The following GRIN2B variants were observed in gnomAD, a reference collection of about 807,000 sequenced individuals.
GRIN2B encodes the protein glutamate ionotropic receptor NMDA type subunit 2B.
In GRIN2B, 5 loss-of-function variants were observed where a neutral mutation model predicts 114.5. The observed-to-expected ratio is 0.04, with a 90% CI of 0.02 to 0.09. The LOEUF (loss-of-function observed/expected upper bound fraction) is 0.09, where lower values mean the gene tolerates loss of function less well. Among genes scored for constraint, GRIN2B ranks in the 10% least tolerant of loss-of-function variants. The probability of loss-of-function intolerance (pLI) is 1.00; values close to 1 mark genes in which losing one functional copy is unlikely to be tolerated. For synonymous variants in GRIN2B, 787 were observed against 745.1 expected (o/e 1.06, Z -0.92); for missense variants, 1,108 against 1,943.5 (o/e 0.57, Z 8.08).
intron 4 of GRIN2B, among the ~76,000 whole-genome samples, chr12:13,737,177 T>C (rs559031315): frequency 5.3e-5 from 8 of 152,248 alleles, no homozygotes; most frequent in Admixed American, 3.3e-4. Flanking sequence ...ATTACACTTA[T>C]GGGGAAGAGA....
At chr12:13,694,857 G>A (rs954804843) in intron 4 of GRIN2B, among the ~76,000 whole-genome samples, 14 of 151,480 alleles carry the variant, frequency 9.2e-5, no homozygotes, top group Non-Finnish European at 2.1e-4. Context: ...TTCCAGGACT[G>A]GGGAAAGTGA....
chr12:13,930,945 G>A (rs1269505006), intron 2 of GRIN2B, among the ~76,000 whole-genome samples: 1 of 152,122 alleles, frequency 6.6e-6, no homozygotes, highest in Non-Finnish European at 1.5e-5. Context: ...AGTTCAATGT[G>A]ATTGTCAAAA....
At chr12:13,769,144 C>G (rs1374875721) in intron 3 of GRIN2B, among the ~76,000 whole-genome samples, 2 of 152,160 alleles carry the variant, frequency 1.3e-5, no homozygotes, top group Non-Finnish European at 2.9e-5. Flanking sequence ...TTCCCATTTT[C>G]ATGAGGCAAA....
chr12:13,688,571 C>G (rs1349368150), intron 4 of GRIN2B, among the ~76,000 whole-genome samples: 1 of 152,170 alleles, frequency 6.6e-6, no homozygotes, highest in East Asian at 1.9e-4. Flanking sequence ...AAAAACCACA[C>G]AGCAGTAAGC....
chr12:13,838,669 A>G (rs1426212395), intron 3 of GRIN2B, among the ~76,000 whole-genome samples: 1 of 152,112 alleles, frequency 6.6e-6, no homozygotes, highest in Non-Finnish European at 1.5e-5. Flanking sequence ...CACTCATTCC[A>G]TCAGCAGTCA....
intron 3 of GRIN2B, among the ~76,000 whole-genome samples, chr12:13,774,794 A>C (rs1863973132): frequency 6.6e-6 from 1 of 152,216 alleles, no homozygotes; most frequent in African/African-American, 2.4e-5. Flanking sequence ...GATTACCAAA[A>C]GTAATGGGAA....
At chr12:13,611,594 A>C in intron 9 of GRIN2B, 131 bp downstream of exon 9, 1 of 921,020 alleles carries the variant, frequency 1.1e-6, no homozygotes, top group Non-Finnish European at 1.8e-6. Flanking sequence ...GTGACTTAGA[A>C]ATGTTCACCT....
chr12:13,902,829 T>A (rs1374866788), intron 2 of GRIN2B, among the ~76,000 whole-genome samples: 1 of 152,070 alleles, frequency 6.6e-6, no homozygotes, highest in Non-Finnish European at 1.5e-5. Flanking sequence ...ATAAAAATAA[T>A]AATTTTTCTT....
intron 4 of GRIN2B, among the ~76,000 whole-genome samples, chr12:13,677,315 G>T (rs1376077523): frequency 1.3e-5 from 2 of 152,160 alleles, no homozygotes; most frequent in African/African-American, 2.4e-5. Flanking sequence ...AAACTGGGAG[G>T]TCTTCTTTGA....
chr12:13,862,242 G>A (rs1221774892), intron 3 of GRIN2B, among the ~76,000 whole-genome samples: 1 of 152,130 alleles, frequency 6.6e-6, no homozygotes, highest in Non-Finnish European at 1.5e-5. Context: ...TTGACGAGGT[G>A]CTGAACTGCT....
intron 2 of GRIN2B, among the ~76,000 whole-genome samples, chr12:13,979,611 A>G (rs1255790023): frequency 6.6e-6 from 1 of 151,950 alleles, no homozygotes; most frequent in Non-Finnish European, 1.5e-5. Flanking sequence ...ATTTAACTGG[A>G]AAATCACACA....
intron 2 of GRIN2B, among the ~76,000 whole-genome samples, chr12:13,914,305 A>G (rs1866673895): frequency 6.6e-6 from 1 of 152,112 alleles, no homozygotes; most frequent in Non-Finnish European, 1.5e-5. Context: ...ACCCTTTTCC[A>G]TGGTACTTAA....
At chr12:13,719,359 A>G (rs1046989887) in intron 4 of GRIN2B, among the ~76,000 whole-genome samples, 5 of 152,018 alleles carry the variant, frequency 3.3e-5, no homozygotes, top group African/African-American at 1.2e-4. Flanking sequence ...CATTAACCAG[A>G]TTTATTAATT....
At chr12:13,817,605 T>G (rs1029841885) in intron 3 of GRIN2B, among the ~76,000 whole-genome samples, 2 of 152,168 alleles carry the variant, frequency 1.3e-5, no homozygotes, top group African/African-American at 4.8e-5. Flanking sequence ...GCTGGTCAAA[T>G]TGTTGAGAGG....
chr12:13,799,913 C>A (rs2136673553), intron 3 of GRIN2B, among the ~76,000 whole-genome samples: 1 of 152,204 alleles, frequency 6.6e-6, no homozygotes. Context: ...ATCTGCCAGA[C>A]CTAAAACCTT....
intron 3 of GRIN2B, among the ~76,000 whole-genome samples, chr12:13,828,726 AT>A (rs1865097047): frequency 6.6e-6 from 1 of 151,844 alleles, no homozygotes; most frequent in African/African-American, 2.4e-5. Flanking sequence ...CCCCCTTCCA[AT>A]TTTCTAGTTA....
intron 2 of GRIN2B, among the ~76,000 whole-genome samples, chr12:13,874,433 A>G (rs960016573): frequency 2.6e-5 from 4 of 152,248 alleles, no homozygotes; most frequent in African/African-American, 9.6e-5. Flanking sequence ...ACAAACGTAG[A>G]TGATTATCAG....
rs550107214 is a variant in GRIN2B at position 13,556,836 on chromosome 12, T to G, written c.*5947A>C. On this transcript the variant is annotated 3_prime_UTR_variant, in exon 14 of 14. Transcript: ENST00000609686. Reference sequence around the variant, plus strand: ...GCATGAAGCAGCTCCAGAAACTCACTGTACAGAGCTCTTGAGAGATGTAGA... The same window carrying G: ...GCATGAAGCAGCTCCAGAAACTCACGGTACAGAGCTCTTGAGAGATGTAGA... 1 of 152,234 alleles carries G rather than the reference T, an allele frequency of 6.6e-6. No individual in the cohort carries two copies. The highest frequency in any genetic ancestry group is 2.4e-5 in the African/African-American group (1 of 41,470). The allele number at this position is 152,234 out of a possible 1,614,324, so 9.4% of individuals were successfully genotyped here. A position where few individuals can be genotyped will look rare whatever the true frequency, so the allele number is the denominator to read the frequency against.
intron 3 of GRIN2B, among the ~76,000 whole-genome samples, chr12:13,754,400 T>C (rs1863541728): frequency 6.6e-6 from 1 of 152,200 alleles, no homozygotes; most frequent in African/African-American, 2.4e-5. Flanking sequence ...TTTGGATTTC[T>C]TGCTTGTGAA....
Sources: gnomAD v4.1 joint callset for allele counts (sites outside exome capture counted in the v4.1 genomes callset) on GRCh38, gnomAD v4.1.1 for gene constraint, MANE v1.5 for transcripts, NCBI Gene and HGNC (gene_info 2026-07-23, HGNC 2026-07-21) for gene names.